ARHGAP21: variants seen among roughly 807,000 people sequenced by gnomAD.
ARHGAP21 encodes the protein rho GTPase-activating protein 21.
Under a neutral mutation model 164.6 loss-of-function variants are expected in ARHGAP21, and 38 were observed. The observed-to-expected ratio is 0.23, with a 90% CI of 0.18 to 0.30. ARHGAP21 has a LOEUF of 0.30. Ranked by LOEUF, ARHGAP21 falls within the 10% of genes least tolerant of loss-of-function variation. The probability of loss-of-function intolerance (pLI) is 1.00; values close to 1 mark genes in which losing one functional copy is unlikely to be tolerated. For synonymous variants in ARHGAP21, 766 were observed against 857.9 expected, an observed-to-expected ratio of 0.89 and a Z score of 1.87; for missense variants, 1,822 against 2,370.7, an observed-to-expected ratio of 0.77 and a Z score of 4.81.
intron 2 of ARHGAP21, among the ~76,000 whole-genome samples, chr10:24,713,762 C>T (rs1021231605): frequency 2.6e-5 from 4 of 151,918 alleles, no homozygotes; most frequent in Non-Finnish European, 5.9e-5. Flanking sequence ...CATTAGCCAC[C>T]ACGTCCAGCC....
intron 12 of ARHGAP21, among the ~76,000 whole-genome samples, chr10:24,602,991 T>G (rs983387403): frequency 6.6e-6 from 1 of 152,182 alleles, no homozygotes; most frequent in Non-Finnish European, 1.5e-5. Context: ...TGGGGGTAAC[T>G]GCGGTCTAAT....
chr10:24,629,927 C>G, intron 7 of ARHGAP21, 69 bp downstream of exon 7: 1 of 1,070,314 alleles, frequency 9.3e-7, no homozygotes, highest in Non-Finnish European at 1.4e-6. Context: ...TTTAATACTT[C>G]CATCTCAAAA....
At chr10:24,696,060 C>T (rs1034063161) in intron 2 of ARHGAP21, among the ~76,000 whole-genome samples, 1 of 152,236 alleles carries the variant, frequency 6.6e-6, no homozygotes, top group Admixed American at 6.5e-5. Flanking sequence ...AACTGACACA[C>T]TCTACCACCA....
At chr10:24,642,033 C>T (rs1262601069) in intron 4 of ARHGAP21, among the ~76,000 whole-genome samples, 1 of 151,468 alleles carries the variant, frequency 6.6e-6, no homozygotes, top group Non-Finnish European at 1.5e-5. Flanking sequence ...TGGAAATGTC[C>T]AGCATACACA....
chr10:24,636,871 T>C (rs969820459), intron 4 of ARHGAP21, among the ~76,000 whole-genome samples: 5 of 152,228 alleles, frequency 3.3e-5, no homozygotes, highest in Admixed American at 6.5e-5. Flanking sequence ...TACAACCCAC[T>C]ACCTAAAATT....
chr10:24,633,926 T>G (rs1012039925), intron 5 of ARHGAP21, among the ~76,000 whole-genome samples: 8 of 124,260 alleles, frequency 6.4e-5, no homozygotes, highest in Non-Finnish European at 9.6e-5. Context: ...AGAGTCTCAC[T>G]CTTGTCTCCC....
At chr10:24,631,279 G>T (rs1422475283) in intron 6 of ARHGAP21, among the ~76,000 whole-genome samples, 3 of 152,152 alleles carry the variant, frequency 2.0e-5, no homozygotes, top group Non-Finnish European at 4.4e-5. Flanking sequence ...CAGGAGAATT[G>T]CTTGAACCTG....
chr10:24,675,263 T>C (rs1465832685), intron 2 of ARHGAP21, among the ~76,000 whole-genome samples: 1 of 152,188 alleles, frequency 6.6e-6, no homozygotes, highest in East Asian at 1.9e-4. Context: ...TATTGATATA[T>C]GTAGCAATAT....
intron 2 of ARHGAP21, among the ~76,000 whole-genome samples, chr10:24,701,874 T>A (rs1843701070): frequency 6.6e-6 from 1 of 152,166 alleles, no homozygotes; most frequent in African/African-American, 2.4e-5. Flanking sequence ...TGCCAGGATC[T>A]CCCATGCTTG....
At chr10:24,591,787 T>C in intron 22 of ARHGAP21, 100 bp downstream of exon 22, 4 of 1,600,266 alleles carry the variant, frequency 2.5e-6, no homozygotes, top group Non-Finnish European at 3.4e-6. Context: ...GGGAAAGATA[T>C]TACAACCAAC....
rs1336426433 is a variant in ARHGAP21, at chr10:24,600,809, C to G, written c.2969G>C (p.Ser990Thr). 1 of 1,614,208 alleles carries G rather than the reference C, an allele frequency of 6.2e-7. No individual in the cohort carries two copies. The highest frequency in any genetic ancestry group is 8.5e-7 in the Non-Finnish European group (1 of 1,180,024). The part of the protein sequence containing the change: ...TTPSEEEQPI[S>T]VNACLIDISY... ...GATGTCTATCAAGCAAGCATTAACA[C>G]TGATGGGCTGCTCTTCCTCAGACGG... Residue 990 changes from serine (S) to threonine (T), a missense_variant, in exon 14 of 26, where the codon AGT (serine) becomes ACT (threonine). Physicochemically the swap from Ser to Thr is moderately conservative, Grantham distance 58 (BLOSUM62 1). Transcript: ENST00000396432.
chr10:24,695,566 CAA>C (rs34010661), intron 2 of ARHGAP21, among the ~76,000 whole-genome samples: 105 of 127,754 alleles, frequency 8.2e-4, no homozygotes, highest in Non-Finnish European at 8.3e-4. Flanking sequence ...GAGACTGCGT[CAA>C]AAAAAAAAAA....
In ARHGAP21 at chr10:24,620,349, G is replaced by A. The variant is rs1224567415; in HGVS notation, c.1546C>T (p.Pro516Ser). ...LENVNSGTPI[P>S]DSNGEKKQTY... ...TGTTTTTTCTCTCCATTGGAATCAG[G>A]TATTGGAGTTCCAGAATTGACATTT... Residue 516 changes from proline (P) to serine (S), a missense_variant, in exon 9 of 26, where the codon CCT becomes TCT. This residue lies in a region of ARHGAP21 where 1,090 missense variants were observed against 1,378.9 expected (regional missense o/e 0.79). Coordinates refer to ENST00000396432, the MANE Select transcript of ARHGAP21 (RefSeq NM_020824.4). 1 of 1,613,854 alleles carries A rather than the reference G, an allele frequency of 6.2e-7. No homozygotes were observed. The highest frequency in any genetic ancestry group is 1.1e-5 in the South Asian group (1 of 91,054).
intron 2 of ARHGAP21, among the ~76,000 whole-genome samples, chr10:24,688,259 C>T (rs923777657): frequency 3.3e-5 from 5 of 152,132 alleles, no homozygotes; most frequent in Admixed American, 6.5e-5. Context: ...AAAGTGGTGG[C>T]GTGCCATCTG....
rs560190201 is a variant in ARHGAP21 at position 24,595,787 on chromosome 10, T to G, written c.3642A>C (p.Arg1214=). Reference sequence around the variant, plus strand: ...GTAAACTGCTTATCACATTCAAATCTCGCCATTTCTAGGTGTACAAAATAG... The same window carrying G: ...GTAAACTGCTTATCACATTCAAATCGCGCCATTTCTAGGTGTACAAAATAG... ...ADIDIQDDKW[R]DLNVISSLLK... is the part of the protein sequence containing the mutation. Residue 1214 remains arginine, a synonymous_variant, in exon 19 of 26, where the codon CGA becomes CGC. Coordinates refer to ENST00000396432, the MANE Select transcript of ARHGAP21 (RefSeq NM_020824.4). The G allele has an allele frequency of 6.2e-7, 1 of 1,613,638 alleles. No individual in the cohort carries two copies. The highest frequency in any genetic ancestry group is 1.3e-5 in the African/African-American group (1 of 75,022).
intron 2 of ARHGAP21, among the ~76,000 whole-genome samples, chr10:24,704,477 C>A (rs201620729): frequency 9.8e-6 from 1 of 102,026 alleles, no homozygotes; most frequent in Admixed American, 9.8e-5. Context: ...TTTTTTTTTT[C>A]TTTTTTGAGA....
chr10:24,647,268 A>G (rs912880036), intron 4 of ARHGAP21, among the ~76,000 whole-genome samples: 2 of 152,236 alleles, frequency 1.3e-5, no homozygotes, highest in Non-Finnish European at 2.9e-5. Context: ...GACTTGAAGT[A>G]AAATATTTTT....
intron 9 of ARHGAP21, among the ~76,000 whole-genome samples, chr10:24,612,640 G>A (rs992989223): frequency 6.6e-6 from 1 of 151,862 alleles, no homozygotes; most frequent in South Asian, 2.1e-4. Context: ...GGATCACGAG[G>A]TCAGGAGATC....
At chr10:24,597,881 AAT>A in intron 15 of ARHGAP21, 62 bp downstream of exon 15, 1 of 1,509,508 alleles carries the variant, frequency 6.6e-7, no homozygotes. Flanking sequence ...TATCCTTGCA[AAT>A]AAGGGGGATG....
Sources: gnomAD v4.1 joint callset for allele counts (sites outside exome capture counted in the v4.1 genomes callset) on GRCh38, gnomAD v4.1.1 for gene constraint, gnomAD v4.1.1 regional missense constraint, MANE v1.5 for transcripts, NCBI Gene and HGNC (gene_info 2026-07-23, HGNC 2026-07-21) for gene names.